ACAP2: variants seen among roughly 807,000 people sequenced by gnomAD.
ACAP2 encodes the protein ArfGAP with coiled-coil, ankyrin repeat and PH domains 2, also known as arf-GAP with coiled-coil, ANK repeat and PH domain-containing protein 2.
A neutral mutation model predicts 115.8 loss-of-function variants in ACAP2; 39 were observed. The ratio of observed to expected loss-of-function variants is 0.34; its 90% CI spans 0.26 to 0.44. The LOEUF is 0.44. Ranked by LOEUF, ACAP2 falls within the 20% of genes least tolerant of loss-of-function variation. The probability of loss-of-function intolerance (pLI) is 1.00; values close to 1 mark genes in which losing one functional copy is unlikely to be tolerated. For synonymous variants in ACAP2, 289 were observed against 315.8 expected, an observed-to-expected ratio of 0.92 and a Z score of 0.90; for missense variants, 662 against 927.6, an observed-to-expected ratio of 0.71 and a Z score of 3.72.
intron 1 of ACAP2, among the ~76,000 whole-genome samples, chr3:195,433,829 G>T (rs1175461813): frequency 1.3e-5 from 2 of 152,110 alleles, no homozygotes; most frequent in Admixed American, 6.6e-5. Context: ...TTTTTATATG[G>T]TGCTATATTC....
rs148326219 is a variant in ACAP2, at chr3:195,279,526, T to C, written c.2237-98A>G. 4.4e-4 allele frequency: 314 copies of C among 720,816 alleles called. 2 individuals are homozygous for C. In the African/African-American group the frequency reaches 5.1e-3, roughly 12 times the overall value. The allele number at this position is 720,816 out of a possible 1,614,324, so 44.7% of individuals were successfully genotyped here. On this transcript the variant is annotated intron_variant, in intron 22 of 22. Coordinates refer to ENST00000326793, the MANE Select transcript of ACAP2 (RefSeq NM_012287.6). ...TAGTACTATTTTATAATTCATTACA[T>C]TAAAATTTTGTTCAGATGAGCATTT... is the stretch of plus-strand genomic sequence containing the variant.
rs1253567162 is a variant in ACAP2 at position 195,378,873 on chromosome 3, A to AT, written c.285+2135_285+2136insA. 3.8e-4 allele frequency among the ~76,000 whole-genome samples: 58 copies of AT among 152,170 alleles called. No individual in the cohort carries two copies. In the Middle Eastern group the frequency reaches 0.017, roughly 45 times the overall value. On this transcript the variant is annotated intron_variant, in intron 4 of 22. Coordinates refer to ENST00000326793, the MANE Select transcript of ACAP2 (RefSeq NM_012287.6). Reference sequence around the variant, plus strand: ...CAGACTCTGTCTCCAAAAAAAAAAAAAAAATTATTTGCCAAAAGTTTATCT... The same window carrying AT: ...CAGACTCTGTCTCCAAAAAAAAAAAATAAAATTATTTGCCAAAAGTTTATCT...
At chr3:195,342,771 G>A in intron 5 of ACAP2, 117 bp from the exon 6 acceptor site, 1 of 667,924 alleles carries the variant, frequency 1.5e-6, no homozygotes, top group Non-Finnish European at 2.4e-6. Flanking sequence ...CGAGGTGGGT[G>A]GATCATGAGG....
chr3:195,359,756 C>T (rs1451552105), intron 4 of ACAP2, among the ~76,000 whole-genome samples: 2 of 152,170 alleles, frequency 1.3e-5, no homozygotes, highest in Non-Finnish European at 1.5e-5. Context: ...CGTGAGCCAT[C>T]GCGCCTGGCC....
chr3:195,359,494 G>C (rs1475490779), intron 4 of ACAP2, among the ~76,000 whole-genome samples: 2 of 152,240 alleles, frequency 1.3e-5, no homozygotes, highest in Admixed American at 6.5e-5. Context: ...TTGAGACAGA[G>C]TCTCGCTCTG....
intron 9 of ACAP2, among the ~76,000 whole-genome samples, chr3:195,323,396 T>C (rs916743434): frequency 2.6e-5 from 4 of 152,078 alleles, no homozygotes; most frequent in African/African-American, 7.2e-5. Context: ...ATCAATTTTA[T>C]CGCAAACAGA....
chr3:195,283,381 T>C (rs1339290636), intron 22 of ACAP2, among the ~76,000 whole-genome samples: 1 of 152,200 alleles, frequency 6.6e-6, no homozygotes, highest in East Asian at 1.9e-4. Context: ...AAGTGGGGTT[T>C]CCTAGAAATA....
intron 4 of ACAP2, among the ~76,000 whole-genome samples, chr3:195,354,784 A>G (rs1057448963): frequency 2.6e-5 from 4 of 152,218 alleles, no homozygotes; most frequent in Non-Finnish European, 5.9e-5. Flanking sequence ...AAAATGTAAC[A>G]TTACCAAAAT....
chr3:195,338,887 T>TAA (rs202033055), intron 6 of ACAP2, among the ~76,000 whole-genome samples: 5 of 145,410 alleles, frequency 3.4e-5, no homozygotes, highest in Middle Eastern at 3.3e-3. Context: ...AGCACTAAAT[T>TAA]AAAAAAAAAA....
intron 1 of ACAP2, among the ~76,000 whole-genome samples, chr3:195,427,576 A>C (rs1560361719): frequency 6.6e-6 from 1 of 152,156 alleles, no homozygotes; most frequent in Non-Finnish European, 1.5e-5. Flanking sequence ...ACTTTACTGA[A>C]TACTGTAGGC....
At chr3:195,358,490 A>C (rs1004383992) in intron 4 of ACAP2, among the ~76,000 whole-genome samples, 1 of 152,144 alleles carries the variant, frequency 6.6e-6, no homozygotes, top group Non-Finnish European at 1.5e-5. Context: ...ACAAGATAAC[A>C]GAGAAGAAAT....
intron 17 of ACAP2, chr3:195,295,433 C>T: frequency 1.8e-6 from 1 of 549,390 alleles, no homozygotes; most frequent in Admixed American, 3.3e-5. Context: ...ATACTTAGGG[C>T]TTTTGAAATG....
chr3:195,307,107 T>G (rs1728474684), intron 12 of ACAP2, 116 bp downstream of exon 12: 1 of 698,896 alleles, frequency 1.4e-6, no homozygotes, highest in Admixed American at 2.8e-5. Context: ...TTTTTAAAAC[T>G]TTTTTTTCTC....
chr3:195,292,537 T>C, intron 18 of ACAP2, 85 bp from the exon 19 acceptor site: 2 of 1,359,902 alleles, frequency 1.5e-6, no homozygotes, highest in Non-Finnish European at 2.0e-6. Context: ...GTTTCAGTTT[T>C]GCAAGATAAA....
intron 4 of ACAP2, among the ~76,000 whole-genome samples, chr3:195,346,594 T>C (rs770433824): frequency 9.8e-5 from 15 of 152,312 alleles, no homozygotes; most frequent in Non-Finnish European, 1.6e-4. Context: ...AGACAGAGTC[T>C]ATAGTTTAAA....
intron 4 of ACAP2, among the ~76,000 whole-genome samples, chr3:195,378,785 CG>C (rs990956528): frequency 6.7e-6 from 1 of 149,826 alleles, no homozygotes; most frequent in African/African-American, 2.5e-5. Context: ...CACCTGAACC[CG>C]GGAGGCGGAG....
chr3:195,388,113 C>A (rs1183771434), intron 2 of ACAP2, among the ~76,000 whole-genome samples: 3 of 151,970 alleles, frequency 2.0e-5, no homozygotes, highest in African/African-American at 4.8e-5. Context: ...AGAGTACATG[C>A]AAGAAACAAT....
intron 4 of ACAP2, 136 bp from the exon 5 acceptor site, chr3:195,345,453 G>A: frequency 1.7e-6 from 1 of 574,236 alleles, no homozygotes; most frequent in Non-Finnish European, 3.1e-6. Flanking sequence ...GACTACAAAA[G>A]AAATAACCAT....
intron 13 of ACAP2, among the ~76,000 whole-genome samples, chr3:195,303,299 C>T (rs1369556297): frequency 2.6e-5 from 4 of 152,116 alleles, no homozygotes; most frequent in Admixed American, 2.0e-4. Context: ...GTCCCAGCTA[C>T]TCAGAAGGCT....
Sources: allele counts gnomAD v4.1 joint callset (sites outside exome capture counted in the v4.1 genomes callset), GRCh38; gene constraint gnomAD v4.1.1; transcripts MANE v1.5; gene names NCBI Gene and HGNC (gene_info 2026-07-23, HGNC 2026-07-21).